The following EXOC6B variants were observed in gnomAD, a reference collection of about 807,000 sequenced individuals.
EXOC6B encodes exocyst complex component 6B, also known as SEC15 homolog B.
EXOC6B carries 54 observed loss-of-function variants against 113.5 expected under a neutral mutation model. The observed-to-expected ratio is 0.48, with a 90% CI of 0.38 to 0.60. The LOEUF (loss-of-function observed/expected upper bound fraction) is 0.60, where lower values mean the gene tolerates loss of function less well. Among genes scored for constraint, EXOC6B ranks in the 20% least tolerant of loss-of-function variants. The probability of loss-of-function intolerance (pLI) is 0.00; values close to 1 mark genes in which losing one functional copy is unlikely to be tolerated. For missense variants in EXOC6B, 797 were observed against 977.5 expected, an observed-to-expected ratio of 0.82 and a Z score of 2.46; for synonymous variants, 357 against 339.0, an observed-to-expected ratio of 1.05 and a Z score of -0.58.
intron 19 of EXOC6B, among the ~76,000 whole-genome samples, chr2:72,341,017 G>T (rs1689003984): frequency 6.6e-6 from 1 of 152,156 alleles, no homozygotes; most frequent in Non-Finnish European, 1.5e-5. Flanking sequence ...GGAGGAGGAG[G>T]TGGAGGTGGA....
chr2:72,504,908 G>GT (rs1423064234), intron 11 of EXOC6B, among the ~76,000 whole-genome samples: 1 of 152,006 alleles, frequency 6.6e-6, no homozygotes, highest in Non-Finnish European at 1.5e-5. Flanking sequence ...TCCTTCTTTG[G>GT]TAAACTGTTT....
At chr2:72,708,843 C>T (rs1210877424) in intron 6 of EXOC6B, among the ~76,000 whole-genome samples, 2 of 151,922 alleles carry the variant, frequency 1.3e-5, no homozygotes, top group African/African-American at 4.8e-5. Context: ...CATCCTCCTT[C>T]CTCAGCCTCC....
chr2:72,745,647 CT>C (rs1417451736), intron 1 of EXOC6B, among the ~76,000 whole-genome samples: 1 of 152,086 alleles, frequency 6.6e-6, no homozygotes, highest in Non-Finnish European at 1.5e-5. Flanking sequence ...TAGTTTCCAT[CT>C]GGTTACCAAA....
At chr2:72,180,709 C>T (rs1038708688) in intron 21 of EXOC6B, among the ~76,000 whole-genome samples, 1 of 152,128 alleles carries the variant, frequency 6.6e-6, no homozygotes, top group Admixed American at 6.5e-5. Context: ...CATTTTCTCC[C>T]CCACTGTGGG....
At chr2:72,413,912 T>G (rs971058836) in intron 18 of EXOC6B, among the ~76,000 whole-genome samples, 1 of 152,162 alleles carries the variant, frequency 6.6e-6, no homozygotes, top group African/African-American at 2.4e-5. Context: ...CAGTTTAGCT[T>G]TTTGGCAGAC....
chr2:72,535,378 C>G (rs1238940548), intron 8 of EXOC6B, among the ~76,000 whole-genome samples: 1 of 152,112 alleles, frequency 6.6e-6, no homozygotes, highest in East Asian at 1.9e-4. Context: ...AAAGACTGAA[C>G]TTCAAAGAAT....
intron 8 of EXOC6B, among the ~76,000 whole-genome samples, chr2:72,544,065 C>A (rs1008247774): frequency 6.6e-6 from 1 of 152,160 alleles, no homozygotes; most frequent in African/African-American, 2.4e-5. Context: ...GTGTAACTTG[C>A]ATTTGTTTTA....
chr2:72,564,253 T>C (rs1704041956), intron 7 of EXOC6B, among the ~76,000 whole-genome samples: 1 of 152,020 alleles, frequency 6.6e-6, no homozygotes, highest in Non-Finnish European at 1.5e-5. Context: ...CACCAGAAGA[T>C]ACACAAATAC....
At chr2:72,636,421 C>T (rs867078568) in intron 6 of EXOC6B, among the ~76,000 whole-genome samples, 15 of 128,278 alleles carry the variant, frequency 1.2e-4, no homozygotes, top group Admixed American at 1.1e-3. Context: ...AGAGGGAGGA[C>T]GAGAAGAGGA....
chr2:72,437,419 G>A (rs975734397), intron 18 of EXOC6B, among the ~76,000 whole-genome samples: 7 of 152,246 alleles, frequency 4.6e-5, no homozygotes, highest in Non-Finnish European at 1.0e-4. Flanking sequence ...AGCAGAACTT[G>A]AGTGCTGTAC....
At chr2:72,424,014 C>T (rs1695062672) in intron 18 of EXOC6B, among the ~76,000 whole-genome samples, 1 of 152,114 alleles carries the variant, frequency 6.6e-6, no homozygotes, top group South Asian at 2.1e-4. Context: ...TAAGATGATT[C>T]TCATCAATAT....
At position 72,177,339 on chromosome 2, in the gene EXOC6B, C is replaced by G. The variant is rs568736131; in HGVS notation, c.*1996G>C. 3 of 152,226 alleles carry G rather than the reference C, an allele frequency of 2.0e-5. No individual in the cohort carries two copies. Among genetic ancestry groups the G allele is most frequent in the African/African-American group, 7.2e-5 (3 of 41,462 alleles). The allele number at this position is 152,226 out of a possible 1,614,324, so 9.4% of individuals were successfully genotyped here. A position where few individuals can be genotyped will look rare whatever the true frequency, so the allele number is the denominator to read the frequency against. On this transcript the variant is annotated 3_prime_UTR_variant, in exon 22 of 22. Transcript: ENST00000272427. ...TCTCTCCATTTCCACTTCAAAGTCTCTCAGCACTTAAAGCTGAAGAGATCT... is the reference window on the plus strand; with the variant it reads ...TCTCTCCATTTCCACTTCAAAGTCTGTCAGCACTTAAAGCTGAAGAGATCT...
rs1690166244 is a variant in EXOC6B, at chr2:72,359,404, C to T, written c.2122+20325G>A. 2.0e-5 allele frequency among the ~76,000 whole-genome samples: 3 copies of T among 152,124 alleles called. No homozygotes were observed. The South Asian group carries it at 6.2e-4, about 32-fold the overall frequency. On this transcript the variant is annotated intron_variant, in intron 19 of 21. Coordinates refer to ENST00000272427, the MANE Select transcript of EXOC6B (RefSeq NM_015189.3). ...CATTTGAACCCTCCAGAGGATGCAGCAATAAGTTGCCATCTTGGAAGCAGT... is the reference window on the plus strand; with the variant it reads ...CATTTGAACCCTCCAGAGGATGCAGTAATAAGTTGCCATCTTGGAAGCAGT...
At chr2:72,401,089 T>G (rs1364522790) in intron 18 of EXOC6B, among the ~76,000 whole-genome samples, 1 of 151,782 alleles carries the variant, frequency 6.6e-6, no homozygotes. Context: ...TATATATATA[T>G]AGATAAATAT....
intron 5 of EXOC6B, among the ~76,000 whole-genome samples, chr2:72,719,384 G>A (rs1679849258): frequency 6.6e-6 from 1 of 152,154 alleles, no homozygotes; most frequent in South Asian, 2.1e-4. Flanking sequence ...AATTTAACGG[G>A]GAAGTCATAA....
intron 6 of EXOC6B, among the ~76,000 whole-genome samples, chr2:72,694,798 G>T (rs1414524010): frequency 6.6e-6 from 1 of 152,188 alleles, no homozygotes; most frequent in African/African-American, 2.4e-5. Flanking sequence ...AAGATAGACA[G>T]GTTTCAGCCC....
intron 20 of EXOC6B, among the ~76,000 whole-genome samples, chr2:72,277,287 T>C (rs1223610029): frequency 6.6e-6 from 1 of 152,172 alleles, no homozygotes; most frequent in Non-Finnish European, 1.5e-5. Flanking sequence ...TGCAAATTTA[T>C]GATTTCCAAA....
At chr2:72,407,013 T>C (rs1283305830) in intron 18 of EXOC6B, among the ~76,000 whole-genome samples, 2 of 151,728 alleles carry the variant, frequency 1.3e-5, no homozygotes, top group Non-Finnish European at 2.9e-5. Context: ...ATAGACGCAA[T>C]AAAAAATGAT....
intron 20 of EXOC6B, among the ~76,000 whole-genome samples, chr2:72,242,759 G>T (rs1333175799): frequency 1.1e-4 from 16 of 152,124 alleles, no homozygotes. Flanking sequence ...TATAGGCAAG[G>T]TCTCACTCTG....
Sources: allele counts gnomAD v4.1 joint callset (sites outside exome capture counted in the v4.1 genomes callset), GRCh38; gene constraint gnomAD v4.1.1; transcripts MANE v1.5; gene names NCBI Gene and HGNC (gene_info 2026-07-23, HGNC 2026-07-21).